The following FBXO27 variants were observed in gnomAD, a reference collection of about 807,000 sequenced individuals.
FBXO27 encodes F-box only protein 27.
Under a neutral mutation model 28.3 loss-of-function variants are expected in FBXO27, and 28 were observed. The observed-to-expected ratio is 0.99, with a 90% confidence interval of 0.73 to 1.36. The LOEUF is 1.36. Among genes scored for constraint, FBXO27 ranks in the 40% most tolerant of loss-of-function variants. The pLI is 0.00. For synonymous variants in FBXO27, 175 were observed against 167.3 expected (o/e 1.05, Z -0.36); for missense variants, 388 against 394.1 (o/e 0.98, Z 0.13).
At chr19:39,031,815 C>T in intron 2 of FBXO27, 49 bp downstream of exon 2, 1 of 1,431,794 alleles carries the variant, frequency 7.0e-7, no homozygotes, top group South Asian at 1.5e-5. Context: ...GCCCCGCTAC[C>T]GCTCCCACTG....
chr19:39,022,146 CTTTT>C (rs532602600), downstream of FBXO27, among the ~76,000 whole-genome samples: 28 of 89,050 alleles, frequency 3.1e-4, no homozygotes, highest in South Asian at 4.5e-4. Flanking sequence ...ATTTTCTATT[CTTTT>C]TTTTTTTTTT....
chr19:39,006,186 C>T (rs1158506092), intron 2 of FBXO27, among the ~76,000 whole-genome samples: 1 of 152,114 alleles, frequency 6.6e-6, no homozygotes, highest in Non-Finnish European at 1.5e-5. Context: ...CTTGAGGCTG[C>T]CGAGGTGGGC....
At chr19:39,027,394 ACT>A (rs1347153886) in intron 4 of FBXO27, among the ~76,000 whole-genome samples, 1 of 151,974 alleles carries the variant, frequency 6.6e-6, no homozygotes, top group Admixed American at 6.6e-5. Context: ...CCCAAGAAAC[ACT>A]CTGGACACCG....
In FBXO27 at chr19:39,026,882, ATTG is replaced by A. The variant is rs2072875553; in HGVS notation, c.693_695del (p.Asn232del). The A allele has an allele frequency of 3.7e-6, 6 of 1,614,158 alleles. No individual in the cohort carries two copies. The highest frequency in any genetic ancestry group is 1.6e-4 in the Middle Eastern group (1 of 6,062). ...ATAGGAGACTCACGTGAAGGCAGGC[ATTG>A]TTGTTCCACTGCGGGATGGGATCAG... is the stretch of plus-strand genomic sequence containing the variant. On this transcript the variant is annotated inframe_deletion, in exon 5 of 6. Coordinates refer to ENST00000292853, the MANE Select transcript of FBXO27 (RefSeq NM_178820.5).
At chr19:39,015,033 A>AG (rs1170505283) in intron 1 of FBXO27, among the ~76,000 whole-genome samples, 1 of 149,088 alleles carries the variant, frequency 6.7e-6, no homozygotes, top group Admixed American at 6.7e-5. Context: ...AAAAAAAAAA[A>AG]GGTTGGGGGC....
chr19:39,014,555 A>C (rs2072810770), intron 1 of FBXO27: 1 of 152,194 alleles, frequency 6.6e-6, no homozygotes, highest in African/African-American at 2.4e-5. Context: ...TCTCTACAAA[A>C]AAAAAGAAAA....
downstream of FBXO27, among the ~76,000 whole-genome samples, chr19:39,022,146 C>CTTTTTTTTTTT (rs532602600): frequency 1.1e-5 from 1 of 89,052 alleles, no homozygotes; most frequent in African/African-American, 4.6e-5. Flanking sequence ...ATTTTCTATT[C>CTTTTTTTTTTT]TTTTTTTTTT....
intron 1 of FBXO27, among the ~76,000 whole-genome samples, chr19:39,015,338 A>G (rs1387264240): frequency 2.0e-5 from 3 of 148,790 alleles, no homozygotes; most frequent in Non-Finnish European, 4.5e-5. Context: ...AAAAAAAAAA[A>G]AAAAAAAAAA....
chr19:39,031,792 C>T, intron 2 of FBXO27, 72 bp downstream of exon 2: 1 of 1,395,226 alleles, frequency 7.2e-7, no homozygotes. Context: ...CCCAGTGCGG[C>T]CCCGCCCCTC....
At chr19:39,015,934 T>C (rs2873834) in intron 1 of FBXO27, among the ~76,000 whole-genome samples, 120,375 of 151,402 alleles carry the variant, frequency 0.8, 48,176 homozygotes, top group Middle Eastern at 0.88. Context: ...TAGCCAGACG[T>C]GGTAGCAGTC....
chr19:39,027,458 A>G (rs973609950), intron 4 of FBXO27, among the ~76,000 whole-genome samples: 5 of 152,170 alleles, frequency 3.3e-5, no homozygotes, highest in Admixed American at 1.3e-4. Context: ...CTTGTCACAC[A>G]TCAGTGCCAG....
intron 1 of FBXO27, among the ~76,000 whole-genome samples, chr19:39,017,257 AT>A (rs1050044848): frequency 3.3e-5 from 5 of 152,166 alleles, no homozygotes; most frequent in Non-Finnish European, 7.4e-5. Flanking sequence ...TACTCAGAGA[AT>A]TTAAATTCCA....
chr19:39,010,473 C>T (rs10406380), intron 2 of FBXO27, among the ~76,000 whole-genome samples: 7,560 of 152,150 alleles, frequency 0.05, 615 homozygotes, highest in African/African-American at 0.17. Flanking sequence ...TATGTCTCTC[C>T]TTATGAGGTA....
At chr19:39,014,096 G>C (rs2072808512) in intron 2 of FBXO27, among the ~76,000 whole-genome samples, 1 of 152,210 alleles carries the variant, frequency 6.6e-6, no homozygotes. Flanking sequence ...TTTCAGTTTA[G>C]GTCCCACGGA....
intron 2 of FBXO27, among the ~76,000 whole-genome samples, chr19:39,031,577 C>T (rs922590458): frequency 6.6e-6 from 1 of 152,064 alleles, no homozygotes; most frequent in African/African-American, 2.4e-5. Flanking sequence ...ACTCCCACCC[C>T]TCCCACAGGC....
chr19:39,014,398 T>C (rs768556484), exon 2 of FBXO27: 11 of 152,124 alleles, frequency 7.2e-5, no homozygotes, highest in Admixed American at 5.9e-4. Flanking sequence ...TCGTCAATCT[T>C]AGAGCTGGAA....
In FBXO27 at chr19:39,029,320, G is replaced by A. The variant is rs571364113; in HGVS notation, c.572+1709C>T. 7.3e-5 allele frequency among the ~76,000 whole-genome samples: 11 copies of A among 151,382 alleles called. No individual in the cohort carries two copies. The East Asian group carries it at 2.0e-3, about 27-fold the overall frequency. ...TGCACACCTGTAATCCCAGCTACTC[G>A]GGAGGCTGAGGCAGGAGAATCACTT... On this transcript the variant is annotated intron_variant, in intron 4 of 5. Coordinates refer to ENST00000292853, the MANE Select transcript of FBXO27 (RefSeq NM_178820.5).
chr19:39,023,612 C>CTT (rs10711556), downstream of FBXO27, among the ~76,000 whole-genome samples: 2 of 146,654 alleles, frequency 1.4e-5, no homozygotes, highest in African/African-American at 2.5e-5. Flanking sequence ...GACCTATTGT[C>CTT]TTTTTTTTTT....
chr19:39,013,968 A>G (rs1238591185), intron 2 of FBXO27, among the ~76,000 whole-genome samples: 3 of 152,160 alleles, frequency 2.0e-5, no homozygotes, highest in African/African-American at 7.2e-5. Flanking sequence ...AGCTGAGATC[A>G]CGCCACTGCA....
Sources: allele counts gnomAD v4.1 joint callset (sites outside exome capture counted in the v4.1 genomes callset), GRCh38; gene constraint gnomAD v4.1.1; transcripts MANE v1.5; gene names NCBI Gene and HGNC (gene_info 2026-07-23, HGNC 2026-07-21).